ADAMTS18: variants seen among roughly 807,000 people sequenced by gnomAD.
ADAMTS18 encodes the protein ADAM metallopeptidase with thrombospondin type 1 motif 18.
ADAMTS18 carries 157 observed loss-of-function variants against 165.9 expected under a neutral mutation model. That is an observed-to-expected ratio of 0.95 (90% CI 0.83 to 1.08). The LOEUF (loss-of-function observed/expected upper bound fraction) is 1.08, where lower values mean the gene tolerates loss of function less well. Among genes scored for constraint, ADAMTS18 ranks in the 50% least tolerant of loss-of-function variants. The probability of loss-of-function intolerance (pLI) is 0.00; values close to 1 mark genes in which losing one functional copy is unlikely to be tolerated. For synonymous variants in ADAMTS18, 782 were observed against 578.2 expected, an observed-to-expected ratio of 1.35 and a Z score of -5.06; for missense variants, 2,040 against 1,534.0, an observed-to-expected ratio of 1.33 and a Z score of -5.51.
Position 77,293,063 on chromosome 16 carries a change from T to C in ADAMTS18, c.3189+13A>G, listed in dbSNP as rs369404300. 4 of 1,613,880 alleles carry C rather than the reference T, an allele frequency of 2.5e-6. No homozygotes were observed. In the East Asian group the frequency reaches 8.9e-5, roughly 36 times the overall value. Reference sequence around the variant, plus strand: ...CTCAATCTCCTGACCCAGCAGTGACTTCTAATCCATACCTCGCTCCACGAA... The same window carrying C: ...CTCAATCTCCTGACCCAGCAGTGACCTCTAATCCATACCTCGCTCCACGAA... On this transcript the variant is annotated intron_variant, in intron 20 of 22. Transcript: ENST00000282849.
chr16:77,308,586 A>G (rs2055723785), intron 16 of ADAMTS18, among the ~76,000 whole-genome samples: 2 of 152,140 alleles, frequency 1.3e-5, no homozygotes, highest in Admixed American at 6.6e-5. Context: ...ATGAAAAAAA[A>G]AAAAAAAAAC....
At position 77,297,380 on chromosome 16, in the gene ADAMTS18, G is replaced by C; in HGVS notation, c.2710C>G (p.Gln904Glu). 3.7e-6 allele frequency: 6 copies of C among 1,613,580 alleles called. 1 individual carries two copies. The highest frequency in any genetic ancestry group is 5.1e-6 in the Non-Finnish European group (6 of 1,179,524). Residue 904 changes from glutamine (Q) to glutamate (E), a missense_variant, in exon 18 of 23, where the codon CAA becomes GAA. By Grantham distance (29) the Gln-to-Glu change is conservative (BLOSUM62 2). Coordinates refer to ENST00000282849, the MANE Select transcript of ADAMTS18 (RefSeq NM_199355.4). ...INVKAICLRD[Q>E]NTQVNSSFCS... The stretch of plus-strand genomic sequence containing the variant: ...AATGAGGAATTGACTTGAGTATTTT[G>C]ATCTCGCAAGCAAATGGCCTTTACA...
At chr16:77,298,168 C>T (rs2055512013) in intron 17 of ADAMTS18, among the ~76,000 whole-genome samples, 1 of 152,044 alleles carries the variant, frequency 6.6e-6, no homozygotes, top group African/African-American at 2.4e-5. Context: ...TCACCGGCCT[C>T]AGCCCCCAAA....
At chr16:77,375,503 G>T (rs1008100771) in intron 3 of ADAMTS18, among the ~76,000 whole-genome samples, 2 of 152,190 alleles carry the variant, frequency 1.3e-5, no homozygotes, top group Non-Finnish European at 2.9e-5. Context: ...TTCTGAGGAG[G>T]CATTTCTTGT....
chr16:77,332,195 G>A (rs2056200359), intron 12 of ADAMTS18, among the ~76,000 whole-genome samples: 1 of 152,182 alleles, frequency 6.6e-6, no homozygotes, highest in East Asian at 1.9e-4. Context: ...CAGAGTCTAT[G>A]TTCTCATCCT....
chr16:77,321,744 A>T (rs937204179), intron 14 of ADAMTS18, among the ~76,000 whole-genome samples: 1 of 152,250 alleles, frequency 6.6e-6, no homozygotes, highest in Non-Finnish European at 1.5e-5. Context: ...TTTCATTTTT[A>T]CAACTCCTGT....
intron 3 of ADAMTS18, among the ~76,000 whole-genome samples, chr16:77,391,217 G>C (rs2057181726): frequency 6.6e-6 from 1 of 152,036 alleles, no homozygotes; most frequent in Non-Finnish European, 1.5e-5. Flanking sequence ...AAGACTAAAA[G>C]ACAGGCCAGG....
chr16:77,311,194 A>C (rs940476641), intron 16 of ADAMTS18, among the ~76,000 whole-genome samples: 1 of 152,234 alleles, frequency 6.6e-6, no homozygotes, highest in African/African-American at 2.4e-5. Flanking sequence ...ATAAGGACTT[A>C]GTGAATATAC....
In ADAMTS18 at chr16:77,399,360, C is replaced by A. The variant is rs1251774080; in HGVS notation, c.496-31637G>T. ...AAGTCCTTCTGACATCACTTAGCAC[C>A]TCAATCCCCCAGAGTTAGAACTAGA... On this transcript the variant is annotated intron_variant, in intron 3 of 22. Coordinates refer to ENST00000282849, the MANE Select transcript of ADAMTS18 (RefSeq NM_199355.4). Among the ~76,000 whole-genome samples, 5 of 152,288 alleles carry A rather than the reference C, an allele frequency of 3.3e-5. No individual in the cohort carries two copies. The East Asian group carries it at 5.8e-4, about 18-fold the overall frequency.
chr16:77,374,544 C>T (rs1327542634), intron 3 of ADAMTS18, among the ~76,000 whole-genome samples: 3 of 152,046 alleles, frequency 2.0e-5, no homozygotes, highest in Non-Finnish European at 2.9e-5. Context: ...ATTTAAAGTC[C>T]CTCACAGAAT....
intron 3 of ADAMTS18, among the ~76,000 whole-genome samples, chr16:77,382,035 C>T (rs989378391): frequency 1.3e-5 from 2 of 152,134 alleles, no homozygotes; most frequent in Non-Finnish European, 2.9e-5. Flanking sequence ...ATTCTACGTA[C>T]TTTCAGGGCA....
chr16:77,376,738 A>T (rs576854533), intron 3 of ADAMTS18, among the ~76,000 whole-genome samples: 2 of 152,030 alleles, frequency 1.3e-5, no homozygotes, highest in Non-Finnish European at 2.9e-5. Context: ...ATTCTTTAAA[A>T]TGAGAAAAAA....
chr16:77,401,580 G>C (rs894261447), intron 3 of ADAMTS18, among the ~76,000 whole-genome samples: 2 of 152,208 alleles, frequency 1.3e-5, no homozygotes, highest in Non-Finnish European at 1.5e-5. Flanking sequence ...GAATTGACAA[G>C]TTCTGTGTGA....
chr16:77,353,691 T>C lies in ADAMTS18; in HGVS notation c.1614+42A>G, dbSNP rs141034448. ...ACTTCTGTTAGGGACACAGACACAT[T>C]GCAGAGTCTTAATGTAAGTTTGAAA... On this transcript the variant is annotated intron_variant, in intron 10 of 22. Coordinates refer to ENST00000282849, the MANE Select transcript of ADAMTS18 (RefSeq NM_199355.4). The C allele has an allele frequency of 2.6e-4, 422 of 1,613,884 alleles. 2 individuals are homozygous for C. The African/African-American group carries it at 5.2e-3, about 20-fold the overall frequency.
intron 3 of ADAMTS18, among the ~76,000 whole-genome samples, chr16:77,385,159 T>G (rs1033055593): frequency 2.0e-5 from 3 of 152,158 alleles, no homozygotes; most frequent in Non-Finnish European, 4.4e-5. Context: ...TCCACTCACC[T>G]CAGCCTCCCA....
intron 3 of ADAMTS18, among the ~76,000 whole-genome samples, chr16:77,368,808 G>C (rs1404526530): frequency 6.6e-6 from 1 of 152,160 alleles, no homozygotes; most frequent in East Asian, 1.9e-4. Context: ...TGGGGGTCTA[G>C]AGAATCTGAT....
chr16:77,329,758 T>C (rs2056157498), intron 12 of ADAMTS18, among the ~76,000 whole-genome samples: 1 of 152,166 alleles, frequency 6.6e-6, no homozygotes, highest in Non-Finnish European at 1.5e-5. Context: ...TTCTGCAGCT[T>C]TGAACATAAG....
At chr16:77,298,198 G>C (rs1253970589) in intron 17 of ADAMTS18, among the ~76,000 whole-genome samples, 7 of 151,938 alleles carry the variant, frequency 4.6e-5, no homozygotes, top group Non-Finnish European at 1.5e-5. Context: ...TTATAGTCAT[G>C]AGCCACTGCA....
intron 16 of ADAMTS18, among the ~76,000 whole-genome samples, chr16:77,301,163 T>C (rs2055575291): frequency 6.6e-6 from 1 of 151,998 alleles, no homozygotes; most frequent in South Asian, 2.1e-4. Context: ...ACTACTAAAA[T>C]AAGAGCAATC....
Sources: gnomAD v4.1 joint callset for allele counts (sites outside exome capture counted in the v4.1 genomes callset) on GRCh38, gnomAD v4.1.1 for gene constraint, MANE v1.5 for transcripts, NCBI Gene and HGNC (gene_info 2026-07-23, HGNC 2026-07-21) for gene names.